BARD1: variants seen among roughly 807,000 people sequenced by gnomAD.
BARD1 encodes the protein BRCA1 associated RING domain 1.
Under a neutral mutation model 77.0 loss-of-function variants are expected in BARD1, and 73 were observed. The observed-to-expected ratio is 0.95, with a 90% confidence interval of 0.79 to 1.15. The LOEUF (loss-of-function observed/expected upper bound fraction) is 1.15. BARD1 is among the 50% of genes most tolerant of loss of function. BARD1 has a pLI of 0.00. For missense variants in BARD1, 993 were observed against 938.8 expected (o/e 1.06, Z -0.75); for synonymous variants, 384 against 338.0 (o/e 1.14, Z -1.49).
chr2:214,790,905 C>G (rs1262382948), intron 3 of BARD1, among the ~76,000 whole-genome samples: 1 of 152,144 alleles, frequency 6.6e-6, no homozygotes, highest in Non-Finnish European at 1.5e-5. Context: ...TGATTAAGAA[C>G]CCCTGCACTG....
chr2:214,767,020 T>C (rs1265570929), intron 6 of BARD1, among the ~76,000 whole-genome samples: 1 of 152,084 alleles, frequency 6.6e-6, no homozygotes, highest in African/African-American at 2.4e-5. Context: ...GTTCCCTTCT[T>C]TGTGTTCATG....
chr2:214,736,247 A>C (rs1169550432), intron 9 of BARD1, among the ~76,000 whole-genome samples: 1 of 152,114 alleles, frequency 6.6e-6, no homozygotes, highest in African/African-American at 2.4e-5. Context: ...CCATACTAGA[A>C]GCACTGCCAG....
At chr2:214,741,242 AT>A (rs1692812729) in intron 9 of BARD1, among the ~76,000 whole-genome samples, 1 of 152,124 alleles carries the variant, frequency 6.6e-6, no homozygotes, top group Non-Finnish European at 1.5e-5. Context: ...CTGCAATTTT[AT>A]TTAAACTTAG....
chr2:214,763,519 T>A (rs549771804), intron 6 of BARD1, among the ~76,000 whole-genome samples: 1 of 152,278 alleles, frequency 6.6e-6, no homozygotes, highest in East Asian at 1.9e-4. Context: ...ATGTCTATGC[T>A]AGAGCTAAAG....
At chr2:214,769,440 C>G in intron 4 of BARD1, 128 bp from the exon 5 acceptor site, 2 of 769,742 alleles carry the variant, frequency 2.6e-6, no homozygotes, top group Non-Finnish European at 4.4e-6. Context: ...GGCTACTGTT[C>G]ATGAGTTAAT....
At chr2:214,766,032 T>G (rs1694179986) in intron 6 of BARD1, among the ~76,000 whole-genome samples, 1 of 152,200 alleles carries the variant, frequency 6.6e-6, no homozygotes, top group Non-Finnish European at 1.5e-5. Context: ...TTTTCAAACC[T>G]ATAGAAGCAA....
Position 214,781,489 on chromosome 2 carries a change from T to C in BARD1, c.385A>G (p.Arg129Gly), listed in dbSNP as rs1553622711. The change falls in exon 4 of 11, where the codon AGG becomes GGG. Residue 129 changes from arginine to glycine, a missense_variant. Arg to Gly is a moderately radical substitution (Grantham distance 125). Coordinates refer to ENST00000260947, the MANE Select transcript of BARD1 (RefSeq NM_000465.4). ...CCTGCATCATTAAACAAACTTTTCCTAGGTTTATCTTCTTTCAAATCTGAC... is the reference window on the plus strand; with the variant it reads ...CCTGCATCATTAAACAAACTTTTCCCAGGTTTATCTTCTTTCAAATCTGAC... ...ELSDLKEDKPRKSLFNDAGNK... is the reference protein window; with the variant it reads ...ELSDLKEDKPGKSLFNDAGNK... 6.2e-7 allele frequency: 1 copy of C among 1,611,076 alleles called. No individual in the cohort carries two copies. Among genetic ancestry groups the C allele is most frequent in the Admixed American group, 1.7e-5 (1 of 59,634 alleles).
At chr2:214,787,902 T>A (rs1373869390) in intron 3 of BARD1, among the ~76,000 whole-genome samples, 16 of 152,052 alleles carry the variant, frequency 1.1e-4, no homozygotes, top group Admixed American at 1.0e-3. Flanking sequence ...GAAATCTCTT[T>A]GACGAACCAG....
intron 2 of BARD1, chr2:214,796,714 T>C (rs1440499376): frequency 1.4e-5 from 4 of 278,088 alleles, no homozygotes; most frequent in Non-Finnish European, 2.8e-5. Flanking sequence ...ATAATAACTG[T>C]AAGACCTATA....
chr2:214,807,025 A>T (rs2106164754), intron 1 of BARD1, among the ~76,000 whole-genome samples: 1 of 152,258 alleles, frequency 6.6e-6, no homozygotes, highest in South Asian at 2.1e-4. Flanking sequence ...CTGTTTCTGT[A>T]CAGCCCTTAA....
At chr2:214,779,428 T>A (rs931704856) in intron 4 of BARD1, among the ~76,000 whole-genome samples, 1 of 152,192 alleles carries the variant, frequency 6.6e-6, no homozygotes, top group Non-Finnish European at 1.5e-5. Context: ...TATTGGCTTT[T>A]CTCCCAAATA....
At chr2:214,758,432 A>C (rs1371692478) in intron 6 of BARD1, among the ~76,000 whole-genome samples, 2 of 152,214 alleles carry the variant, frequency 1.3e-5, no homozygotes, top group Non-Finnish European at 2.9e-5. Flanking sequence ...CAGAATGAAG[A>C]TAAGGGCACA....
At chr2:214,736,905 C>T (rs1867795) in intron 9 of BARD1, among the ~76,000 whole-genome samples, 1 of 151,904 alleles carries the variant, frequency 6.6e-6, no homozygotes, top group Non-Finnish European at 1.5e-5. Flanking sequence ...TGCTTTTACT[C>T]CAAGCAACAA....
rs1433801495 is a variant in BARD1 at position 214,728,204 on chromosome 2, C to T, written c.*472G>A. 4.3e-6 allele frequency: 1 copy of T among 231,876 alleles called. No homozygotes were observed. Among genetic ancestry groups the T allele is most frequent in the Admixed American group, 5.5e-5 (1 of 18,152 alleles). 14.4% of individuals were successfully genotyped at this position (231,876 alleles called of 1,614,324 possible). ...CAATTGCAGATAGGAGAATTTAACACCTATGGTGGCACATTTAGACCAAAT... is the reference window on the plus strand; with the variant it reads ...CAATTGCAGATAGGAGAATTTAACATCTATGGTGGCACATTTAGACCAAAT... On this transcript the variant is annotated 3_prime_UTR_variant, in exon 11 of 11. Transcript: ENST00000260947.
chr2:214,797,531 C>T (rs1264842210), intron 1 of BARD1, among the ~76,000 whole-genome samples: 1 of 152,094 alleles, frequency 6.6e-6, no homozygotes, highest in East Asian at 1.9e-4. Context: ...GACCATATAA[C>T]GTATCATCCA....
intron 6 of BARD1, among the ~76,000 whole-genome samples, chr2:214,755,908 G>T (rs946205273): frequency 6.6e-6 from 1 of 152,124 alleles, no homozygotes; most frequent in Non-Finnish European, 1.5e-5. Context: ...TGAAAATGTC[G>T]AGATCTTAAC....
At chr2:214,798,071 C>T (rs1695837751) in intron 1 of BARD1, among the ~76,000 whole-genome samples, 1 of 152,044 alleles carries the variant, frequency 6.6e-6, no homozygotes, top group African/African-American at 2.4e-5. Context: ...GATATTTACA[C>T]CATTATTATT....
Position 214,769,330 on chromosome 2 carries a change from AC to A in BARD1, c.1315-19del. 6.3e-7 allele frequency: 1 copy of A among 1,592,776 alleles called. No individual in the cohort carries two copies. Among genetic ancestry groups the A allele is most frequent in the Non-Finnish European group, 8.6e-7 (1 of 1,160,744 alleles). On this transcript the variant is annotated intron_variant, in intron 4 of 10. Transcript: ENST00000260947. ...ATGTCGCCCTAGAAAAATGAACAAA[AC>A]GGAAATTAAAAAGCATTAAGGAAAG...
chr2:214,732,337 T>C (rs929076204), intron 9 of BARD1, among the ~76,000 whole-genome samples: 6 of 152,112 alleles, frequency 3.9e-5, no homozygotes, highest in African/African-American at 1.2e-4. Context: ...GCATCTAATA[T>C]AAATTAAGAT....
Sources: gnomAD v4.1 joint callset for allele counts (sites outside exome capture counted in the v4.1 genomes callset) on GRCh38, gnomAD v4.1.1 for gene constraint, MANE v1.5 for transcripts, NCBI Gene and HGNC (gene_info 2026-07-23, HGNC 2026-07-21) for gene names.